Variants in PLEC observed in about 807,000 individuals in gnomAD.
PLEC encodes the protein plectin, also known as hemidesmosomal protein 1.
PLEC carries 216 observed loss-of-function variants against 392.8 expected under a neutral mutation model. The ratio of observed to expected loss-of-function variants is 0.55; its 90% CI spans 0.49 to 0.62. PLEC has a LOEUF of 0.62. PLEC is among the 20% of genes least tolerant of loss of function. The pLI is 0.00. For synonymous variants in PLEC, 3,621 were observed against 2,980.6 expected (o/e 1.21, Z -7.00); for missense variants, 6,863 against 6,563.4 (o/e 1.05, Z -1.58).
rs782211155 is a variant in PLEC at position 143,925,314 on chromosome 8, CCAGGGCCTG to C, written c.4606_4614del (p.Gln1536_Leu1538del). ...TCCTCCGCCTGCAGCCGCAGCTCCT[CCAGGGCCTG>C]CAGGGCCCGCTGCTTCTCGCGCGCC... On this transcript the variant is annotated inframe_deletion, in exon 31 of 32. Coordinates refer to ENST00000345136, the MANE Select transcript of PLEC (RefSeq NM_201384.3). The C allele has an allele frequency of 3.8e-6, 6 of 1,567,314 alleles. No individual in the cohort carries two copies. Among genetic ancestry groups the C allele is most frequent in the Non-Finnish European group, 4.3e-6 (5 of 1,164,840 alleles).
intron 1 of PLEC, among the ~76,000 whole-genome samples, chr8:143,970,189 C>A (rs1315046396): frequency 1.3e-5 from 2 of 151,786 alleles, no homozygotes; most frequent in Admixed American, 6.6e-5. Flanking sequence ...TGGCGTAGGG[C>A]GTCATCTGCA....
In PLEC at chr8:143,923,609, G is replaced by A. The variant is rs782287448; in HGVS notation, c.6320C>T (p.Ser2107Phe). ...RVQAEREAAQSRRQVEEAERL... is the reference protein window; with the variant it reads ...RVQAEREAAQFRRQVEEAERL... ...CTCGGCCTCTTCCACCTGCCGCCGG[G>A]ACTGCGCCGCCTCACGCTCCGCCTG... The change falls in exon 31 of 32, where the codon TCC becomes TTC. Residue 2107 changes from serine (S) to phenylalanine (F), a missense_variant. Transcript: ENST00000345136. 4.4e-6 allele frequency: 7 copies of A among 1,591,952 alleles called. No individual in the cohort carries two copies. The highest frequency in any genetic ancestry group is 2.2e-5 in the East Asian group (1 of 44,458).
At position 143,922,219 on chromosome 8, in the gene PLEC, C is replaced by G. The variant is rs1554688925; in HGVS notation, c.7602G>C (p.Gln2534His). ...VAKAQQLREE[Q>H]QRQQQQMEQE... ...GCTCCATCTGCTGCTGCTGCCGCTG[C>G]TGCTCCTCACGCAGCTGCTGTGCCT... is the stretch of plus-strand genomic sequence containing the variant. The change falls in exon 32 of 32, where the codon CAG becomes CAC. Residue 2534 changes from glutamine (Q) to histidine (H), a missense_variant. Coordinates refer to ENST00000345136, the MANE Select transcript of PLEC (RefSeq NM_201384.3). The G allele has an allele frequency of 3.2e-6, 5 of 1,568,302 alleles. No individual in the cohort carries two copies. The East Asian group carries it at 1.2e-4, about 36-fold the overall frequency.
Position 143,938,637 on chromosome 8 carries a change from G to C in PLEC, c.168C>G (p.Leu56=). The C allele has an allele frequency of 6.2e-7, 1 of 1,613,762 alleles. No homozygotes were observed. The highest frequency in any genetic ancestry group is 8.5e-7 in the Non-Finnish European group (1 of 1,179,852). Residue 56 remains leucine (L), a synonymous_variant, in exon 2 of 32, where the codon CTC becomes CTG. Transcript: ENST00000345136. ...ACCAGCATGCGCCACCAACCTTGAT[G>C]AGGTGCTTGTTGACCCACTTGGTGA... ...KTFTKWVNKH[L]IKAQRHISDL...
intron 1 of PLEC, among the ~76,000 whole-genome samples, chr8:143,971,463 C>T (rs1833427078): frequency 6.6e-6 from 1 of 152,172 alleles, no homozygotes; most frequent in Admixed American, 6.5e-5. Flanking sequence ...TCCCTCCACC[C>T]CAGGGACAGG....
chr8:143,924,333 G>A lies in PLEC; in HGVS notation c.5596C>T (p.Leu1866=), dbSNP rs781859313. 72 of 1,596,618 alleles carry A rather than the reference G, an allele frequency of 4.5e-5. No homozygotes were observed. The Middle Eastern group carries it at 6.6e-4, about 15-fold the overall frequency. Residue 1866 remains leucine, a synonymous_variant, in exon 31 of 32, where the codon CTG becomes TTG. Transcript: ENST00000345136. ...GCCTCGTCCTCCGCCAGCCGCCGCA[G>A]GCGCTCGTTCTCCGCCTCCTTCTCC... is the stretch of plus-strand genomic sequence containing the variant. ...LKEKEAENER[L]RRLAEDEAFQ... is the part of the protein sequence containing the mutation.
At chr8:143,944,104 G>A (rs890964765), upstream of PLEC, 34 of 640,908 alleles carry the variant, frequency 5.3e-5, no homozygotes, top group African/African-American at 7.6e-5. Context: ...GGCCCTCGGC[G>A]CCTCCCCACC....
At chr8:143,936,109 AC>A in intron 5 of PLEC, 95 bp from the exon 6 acceptor site, 1 of 1,431,412 alleles carries the variant, frequency 7.0e-7, no homozygotes, top group Non-Finnish European at 9.7e-7. Context: ...GTAGCTCAGC[AC>A]CCAGGGGGAG....
chr8:143,930,081 A>C lies in PLEC; in HGVS notation c.2613-19T>G, dbSNP rs200549149. ...CTCCAGCCTGGCAGGTCAGGGCTAC[A>C]GTCAGCGTCACCAGCGCCCCACCCG... On this transcript the variant is annotated intron_variant, in intron 21 of 31. Transcript: ENST00000345136. The C allele has an allele frequency of 9.3e-6, 15 of 1,607,622 alleles. No homozygotes were observed. The highest frequency in any genetic ancestry group is 1.2e-5 in the Non-Finnish European group (14 of 1,179,558).
upstream of PLEC, among the ~76,000 whole-genome samples, chr8:143,943,210 C>G (rs1554730121): frequency 6.6e-6 from 1 of 152,254 alleles, no homozygotes; most frequent in Non-Finnish European, 1.5e-5. Flanking sequence ...TAGGCAGTCC[C>G]TCTGGCCAGA....
rs781988395 is a variant in PLEC, at chr8:143,916,399, G to C, written c.13422C>G (p.Tyr4474Ter). Residue 4474 changes from tyrosine (Y) to a stop codon, truncating the protein, a stop_gained, in exon 32 of 32, where the codon TAC (tyrosine) becomes TAG (stop). Coordinates refer to ENST00000345136, the MANE Select transcript of PLEC (RefSeq NM_201384.3). LOFTEE classifies it high-confidence loss of function. ...AGCCGCTGACGCTGTAGGGGCTGTA[G>C]TAGCCCTTGGTGGACTGCGCGGCAG... ...LEAAAQSTKG[Y>*]YSPYSVSGSG... 1 of 1,611,270 alleles carries C rather than the reference G, an allele frequency of 6.2e-7. No individual in the cohort carries two copies. Among genetic ancestry groups the C allele is most frequent in the Non-Finnish European group, 8.5e-7 (1 of 1,179,282 alleles).
chr8:143,944,754 C>T (rs963740959), intron 1 of PLEC: 39 of 1,257,418 alleles, frequency 3.1e-5, no homozygotes, highest in African/African-American at 1.5e-4. Flanking sequence ...AAGCCACTGG[C>T]GGCAGCGTCG....
At chr8:143,959,454 C>T (rs1391680102) in intron 1 of PLEC, among the ~76,000 whole-genome samples, 3 of 152,252 alleles carry the variant, frequency 2.0e-5, no homozygotes, top group Admixed American at 1.3e-4. Context: ...GGACCAGGCT[C>T]GGGGTCCGGG....
At chr8:143,968,772 G>A (rs1338415201) in intron 1 of PLEC, among the ~76,000 whole-genome samples, 4 of 152,138 alleles carry the variant, frequency 2.6e-5, no homozygotes, top group African/African-American at 9.7e-5. Flanking sequence ...TAGCCATCAG[G>A]AAATGCAAAT....
At chr8:143,974,973 C>T (rs1266190979), upstream of PLEC, among the ~76,000 whole-genome samples, 1 of 152,234 alleles carries the variant, frequency 6.6e-6, no homozygotes, top group African/African-American at 2.4e-5. This position sits in a 1 kb window ranked among gnomAD's most constrained non-coding sequence, Gnocchi z 5.9. Flanking sequence ...GAAGCCCAAC[C>T]CCAGGCCTCA....
upstream of PLEC, chr8:143,943,718 C>A: frequency 6.7e-7 from 1 of 1,482,498 alleles, no homozygotes; most frequent in Non-Finnish European, 9.2e-7. Context: ...AATGAAGGGG[C>A]GGGAGGCAGG....
In PLEC at chr8:143,917,437, C is replaced by A. The variant is rs1554672078; in HGVS notation, c.12384G>T (p.Arg4128=). The A allele has an allele frequency of 6.2e-7, 1 of 1,613,464 alleles. No individual in the cohort carries two copies. The highest frequency in any genetic ancestry group is 8.5e-7 in the Non-Finnish European group (1 of 1,180,028). ...LLPLKEKKRE[R]KTSSKSSVRK... is the part of the protein sequence containing the mutation. Reference sequence around the variant, plus strand: ...GCACGGAGGACTTGGAGGACGTCTTCCGCTCCCGCTTCTTCTCCTTCAGCG... The same window carrying A: ...GCACGGAGGACTTGGAGGACGTCTTACGCTCCCGCTTCTTCTCCTTCAGCG... The change falls in exon 32 of 32, where the codon CGG becomes CGT. Residue 4128 remains arginine, a synonymous_variant. Coordinates refer to ENST00000345136, the MANE Select transcript of PLEC (RefSeq NM_201384.3).
rs925621749 is a variant in PLEC, at chr8:143,969,108, A to G, written c.70+4295T>C. Among the ~76,000 whole-genome samples the G allele has an allele frequency of 6.6e-6, 1 of 152,224 alleles. No homozygotes were observed. Among genetic ancestry groups the G allele is most frequent in the Non-Finnish European group, 1.5e-5 (1 of 68,038 alleles). On this transcript the variant is annotated intron_variant, in intron 1 of 31. Coordinates refer to the PLEC transcript ENST00000356346. The surrounding 1 kb of genome is among the most constrained non-coding windows in gnomAD (Gnocchi z 5.1). The stretch of plus-strand genomic sequence containing the variant: ...AACAGCCAAAAGGTGGAAACAACCC[A>G]CTATCCGTCAACTGATAAACGCATA...
upstream of PLEC, among the ~76,000 whole-genome samples, chr8:143,952,342 C>T (rs1369524462): frequency 6.6e-6 from 1 of 152,216 alleles, no homozygotes; most frequent in Non-Finnish European, 1.5e-5. Context: ...CTCTCCCTCC[C>T]TCTGAAGCCA....
Sources: allele counts gnomAD v4.1 joint callset (sites outside exome capture counted in the v4.1 genomes callset), GRCh38; gene constraint gnomAD v4.1.1; non-coding constraint Gnocchi (gnomAD v3.1); transcripts MANE v1.5; gene names NCBI Gene and HGNC (gene_info 2026-07-23, HGNC 2026-07-21).